BTRC: variants seen among roughly 807,000 people sequenced by gnomAD.
The protein encoded by BTRC is F-box/WD repeat-containing protein 1A.
BTRC carries 42 observed loss-of-function variants against 85.5 expected under a neutral mutation model. That is an observed-to-expected ratio of 0.49 (90% CI 0.38 to 0.64). The LOEUF is 0.64. BTRC is among the 30% of genes least tolerant of loss of function. The pLI is 0.00. For missense variants in BTRC, 594 were observed against 743.5 expected (o/e 0.80, Z 2.34); for synonymous variants, 255 against 263.3 (o/e 0.97, Z 0.30).
chr10:101,471,454 C>T (rs907393137), intron 3 of BTRC, among the ~76,000 whole-genome samples: 1 of 152,114 alleles, frequency 6.6e-6, no homozygotes, highest in African/African-American at 2.4e-5. Context: ...ATTTTGCCCC[C>T]GTTATTCTGT....
intron 1 of BTRC, 117 bp from the exon 2 acceptor site, chr10:101,430,228 C>T (rs1944366806): frequency 1.8e-6 from 1 of 559,652 alleles, no homozygotes; most frequent in South Asian, 3.0e-5. Flanking sequence ...AAAGATGTTT[C>T]TATCATAAAG....
intron 1 of BTRC, among the ~76,000 whole-genome samples, chr10:101,406,802 G>A (rs2134013029): frequency 6.6e-6 from 1 of 152,170 alleles, no homozygotes; most frequent in East Asian, 1.9e-4. Flanking sequence ...GCAAAGTGCT[G>A]GGATTACAGG....
chr10:101,519,944 G>A (rs1221453073), intron 4 of BTRC, among the ~76,000 whole-genome samples: 3 of 152,012 alleles, frequency 2.0e-5, no homozygotes, highest in South Asian at 2.1e-4. Flanking sequence ...GCAGTGAGCC[G>A]AGATCACGCT....
chr10:101,424,856 A>T (rs970032910), intron 1 of BTRC, among the ~76,000 whole-genome samples: 2 of 152,156 alleles, frequency 1.3e-5, no homozygotes, highest in Non-Finnish European at 2.9e-5. Flanking sequence ...TGTTACAGAG[A>T]TATACTGCAC....
intron 1 of BTRC, chr10:101,354,464 G>A: frequency 9.5e-6 from 5 of 526,534 alleles, no homozygotes; most frequent in South Asian, 2.7e-5. Flanking sequence ...AGTGACAGCG[G>A]GAGCTTAATC....
At position 101,536,622 on chromosome 10, in the gene BTRC, A is replaced by G; in HGVS notation, c.1546A>G (p.Asn516Asp). ...ATTGGTGCGTTGTATTCGATTTGATAACAAGAGGATAGTCAGTGGGGCCTA... is the reference window on the plus strand; with the variant it reads ...ATTGGTGCGTTGTATTCGATTTGATGACAAGAGGATAGTCAGTGGGGCCTA... ...EELVRCIRFD[N>D]KRIVSGAYDG... Residue 516 changes from asparagine (N) to aspartate (D), a missense_variant, in exon 12 of 15, where the codon AAC (asparagine) becomes GAC (aspartate). Coordinates refer to ENST00000370187, the MANE Select transcript of BTRC (RefSeq NM_033637.4). 1.2e-6 allele frequency: 2 copies of G among 1,613,712 alleles called. No homozygotes were observed. Among genetic ancestry groups the G allele is most frequent in the Non-Finnish European group, 1.7e-6 (2 of 1,179,612 alleles).
chr10:101,411,196 G>T (rs1295478586), intron 1 of BTRC, among the ~76,000 whole-genome samples: 1 of 151,954 alleles, frequency 6.6e-6, no homozygotes, highest in African/African-American at 2.4e-5. Context: ...ATTTCACCAT[G>T]TTGGCCAGGC....
At chr10:101,547,410 G>A (rs931900876) in intron 13 of BTRC, among the ~76,000 whole-genome samples, 6 of 128,880 alleles carry the variant, frequency 4.7e-5, no homozygotes, top group Non-Finnish European at 7.7e-5. Flanking sequence ...GCGCAATCTC[G>A]GCTCACTGCA....
At chr10:101,463,983 A>G (rs1945299500) in intron 3 of BTRC, among the ~76,000 whole-genome samples, 1 of 152,018 alleles carries the variant, frequency 6.6e-6, no homozygotes, top group East Asian at 1.9e-4. Context: ...ACAAATGATC[A>G]GTAATTGATG....
intron 1 of BTRC, among the ~76,000 whole-genome samples, chr10:101,368,173 G>T (rs1250131666): frequency 6.6e-6 from 1 of 152,160 alleles, no homozygotes; most frequent in African/African-American, 2.4e-5. Flanking sequence ...CGCTCCATTA[G>T]TTCCTGCCAG....
chr10:101,427,611 C>CT (rs1228680764), intron 1 of BTRC, among the ~76,000 whole-genome samples: 1 of 151,582 alleles, frequency 6.6e-6, no homozygotes, highest in Non-Finnish European at 1.5e-5. Context: ...CATTGCTGCC[C>CT]TGATATCCCT....
intron 3 of BTRC, among the ~76,000 whole-genome samples, chr10:101,475,401 G>A (rs1323963821): frequency 1.3e-5 from 2 of 152,226 alleles, no homozygotes; most frequent in South Asian, 4.1e-4. Context: ...TTAGCCGGCC[G>A]TGGTGGCACA....
chr10:101,483,619 G>A (rs1193151327), intron 4 of BTRC, among the ~76,000 whole-genome samples: 2 of 151,904 alleles, frequency 1.3e-5, no homozygotes, highest in Non-Finnish European at 2.9e-5. Context: ...ATGTAGGAGG[G>A]TCTATTTTAT....
chr10:101,504,405 C>T (rs1344230803), intron 4 of BTRC, among the ~76,000 whole-genome samples: 1 of 151,828 alleles, frequency 6.6e-6, no homozygotes, highest in African/African-American at 2.4e-5. Context: ...TCCCCCTTCC[C>T]ACCTATTTCT....
At chr10:101,366,975 T>TAA (rs1250679806) in intron 1 of BTRC, among the ~76,000 whole-genome samples, 2 of 62,642 alleles carry the variant, frequency 3.2e-5, no homozygotes, top group Admixed American at 3.1e-4. Flanking sequence ...TAAATATATA[T>TAA]TTATATATTT....
intron 4 of BTRC, among the ~76,000 whole-genome samples, chr10:101,492,540 G>A (rs912577085): frequency 6.6e-6 from 1 of 151,828 alleles, no homozygotes; most frequent in African/African-American, 2.4e-5. Context: ...TTTTAATTAC[G>A]GAACTTTCTA....
intron 5 of BTRC, among the ~76,000 whole-genome samples, chr10:101,525,622 A>T (rs561458244): frequency 3.3e-5 from 5 of 152,172 alleles, no homozygotes; most frequent in Non-Finnish European, 7.3e-5. Flanking sequence ...TGAGAAATGG[A>T]CCTAATATAG....
At chr10:101,468,292 C>T (rs1434555053) in intron 3 of BTRC, among the ~76,000 whole-genome samples, 2 of 151,518 alleles carry the variant, frequency 1.3e-5, no homozygotes, top group Admixed American at 6.6e-5. Flanking sequence ...AGTTGTGATA[C>T]TGGGAATAAA....
chr10:101,404,322 G>A (rs970870027), intron 1 of BTRC, among the ~76,000 whole-genome samples: 38 of 151,708 alleles, frequency 2.5e-4, no homozygotes, highest in Admixed American at 1.1e-3. Context: ...GAGCCACCGC[G>A]CCCAGCCAAT....
Sources: allele counts gnomAD v4.1 joint callset (sites outside exome capture counted in the v4.1 genomes callset), GRCh38; gene constraint gnomAD v4.1.1; transcripts MANE v1.5; gene names NCBI Gene and HGNC (gene_info 2026-07-23, HGNC 2026-07-21).